RNF212B: variants seen among roughly 807,000 people sequenced by gnomAD.
RNF212B encodes E3 ubiquitin-protein ligase RNF212B.
In RNF212B, 52 loss-of-function variants were observed where a neutral mutation model predicts 55.5. The ratio of observed to expected loss-of-function variants is 0.94; its 90% CI spans 0.75 to 1.18. The LOEUF (loss-of-function observed/expected upper bound fraction) is 1.18, where lower values mean the gene tolerates loss of function less well. Ranked by LOEUF, RNF212B falls within the 50% of genes most tolerant of loss-of-function variation. The pLI, the probability that RNF212B is intolerant of heterozygous loss-of-function variation, is 0.00. For synonymous variants in RNF212B, 99 were observed against 121.4 expected (o/e 0.82, Z 1.21); for missense variants, 289 against 350.4 (o/e 0.82, Z 1.40).
intron 4 of RNF212B, among the ~76,000 whole-genome samples, chr14:23,253,192 G>C (rs1029018893): frequency 2.0e-5 from 3 of 151,884 alleles, no homozygotes; most frequent in Non-Finnish European, 2.9e-5. Flanking sequence ...ACCACATCAT[G>C]CTAAAATAAC....
chr14:23,193,920 C>T (rs755805706), intron 2 of RNF212B, among the ~76,000 whole-genome samples: 11 of 152,138 alleles, frequency 7.2e-5, no homozygotes, highest in Non-Finnish European at 1.6e-4. Context: ...TGGCTCACTG[C>T]AACCTCCGCC....
Position 23,267,070 on chromosome 14 carries a change from G to C in RNF212B, c.635-1854G>C, listed in dbSNP as rs561626860. Reference sequence around the variant, plus strand: ...TGCAGCCTCCACCTTCCAGGCTTAAGCGATAGTCCCACTTCAGCCTCCTGA... The same window carrying C: ...TGCAGCCTCCACCTTCCAGGCTTAACCGATAGTCCCACTTCAGCCTCCTGA... On this transcript the variant is annotated intron_variant, in intron 11 of 14. Coordinates refer to ENST00000430154, the MANE Select transcript of RNF212B (RefSeq NM_001282322.3). Among the ~76,000 whole-genome samples, 128 of 152,238 alleles carry C rather than the reference G, an allele frequency of 8.4e-4. 1 individual carries two copies. The highest frequency in any genetic ancestry group is 3.4e-3 in the Middle Eastern group (1 of 294).
At chr14:23,196,918 T>C (rs538649135) in intron 2 of RNF212B, among the ~76,000 whole-genome samples, 338 of 152,248 alleles carry the variant, frequency 2.2e-3, no homozygotes, top group African/African-American at 7.9e-3. Flanking sequence ...GAGTCCTCAC[T>C]TGTGATAACT....
chr14:23,191,663 C>T (rs1190708996), intron 1 of RNF212B, among the ~76,000 whole-genome samples: 3 of 151,954 alleles, frequency 2.0e-5, no homozygotes, highest in African/African-American at 7.3e-5. Flanking sequence ...GATAGGTTAC[C>T]AGTGAAAAGG....
intron 1 of RNF212B, among the ~76,000 whole-genome samples, chr14:23,238,539 G>A (rs1207657760): frequency 6.6e-6 from 1 of 151,634 alleles, no homozygotes. Flanking sequence ...ACCAGCCTGG[G>A]TAACACAGAG....
intron 11 of RNF212B, among the ~76,000 whole-genome samples, chr14:23,268,609 C>T (rs1029972493): frequency 1.3e-4 from 19 of 150,228 alleles, no homozygotes; most frequent in African/African-American, 4.8e-4. Context: ...GTTGATGTCA[C>T]TCCTAGCTAA....
chr14:23,216,311 A>G (rs1881070171), intron 2 of RNF212B, among the ~76,000 whole-genome samples: 1 of 152,108 alleles, frequency 6.6e-6, no homozygotes, highest in Non-Finnish European at 1.5e-5. Context: ...AAAACATTAT[A>G]AATAAATAAA....
At chr14:23,228,404 C>T (rs1451276481) in intron 2 of RNF212B, among the ~76,000 whole-genome samples, 1 of 145,346 alleles carries the variant, frequency 6.9e-6, no homozygotes, top group Non-Finnish European at 1.5e-5. Flanking sequence ...GCAGGAAAAT[C>T]ACTTGAGGCC....
intron 2 of RNF212B, among the ~76,000 whole-genome samples, chr14:23,232,695 G>C (rs1404990389): frequency 6.6e-6 from 1 of 150,546 alleles, no homozygotes; most frequent in Admixed American, 6.6e-5. Flanking sequence ...GAGGTGGGGG[G>C]TCAGCCCCCG....
chr14:23,237,727 T>A (rs766607550), upstream of RNF212B, among the ~76,000 whole-genome samples: 1 of 152,174 alleles, frequency 6.6e-6, no homozygotes, highest in East Asian at 1.9e-4. Flanking sequence ...TGTTTATTTG[T>A]CCCCAATCTT....
intron 5 of RNF212B, 64 bp downstream of exon 5, chr14:23,258,728 C>G (rs931630771): frequency 2.4e-5 from 16 of 679,068 alleles, no homozygotes; most frequent in Non-Finnish European, 3.4e-5. Flanking sequence ...AAGTGACAGT[C>G]CTTATTGTGT....
At position 23,248,536 on chromosome 14, in the gene RNF212B, G is replaced by A. The variant is rs1349690627; in HGVS notation, c.228+4140G>A. Among the ~76,000 whole-genome samples the A allele has an allele frequency of 2.0e-5, 3 of 149,194 alleles. No homozygotes were observed. In the Admixed American group the frequency reaches 2.0e-4, roughly 10 times the overall value. ...GGCTCACTGCAATCTCCGCCTCCCGGGTTCAAGCAATTATCCTGCCTCCAC... is the reference window on the plus strand; with the variant it reads ...GGCTCACTGCAATCTCCGCCTCCCGAGTTCAAGCAATTATCCTGCCTCCAC... On this transcript the variant is annotated intron_variant, in intron 4 of 14. Transcript: ENST00000430154.
chr14:23,215,436 T>C (rs959022271), intron 2 of RNF212B, among the ~76,000 whole-genome samples: 30 of 152,268 alleles, frequency 2.0e-4, no homozygotes, highest in African/African-American at 6.3e-4. Flanking sequence ...ACCCAGGAAT[T>C]TGAGCTTACA....
rs1883246021 is a variant in RNF212B at position 23,237,981 on chromosome 14, T to A, written c.-76T>A. Among the ~76,000 whole-genome samples, 1 of 152,200 alleles carries A rather than the reference T, an allele frequency of 6.6e-6. No homozygotes were observed. Among genetic ancestry groups the A allele is most frequent in the Non-Finnish European group, 1.5e-5 (1 of 68,014 alleles). ...AAGCCAGCTGTTTACTTTCCCGCCATGTCCAGCTCTTCGTGAGGAGAACTG... is the reference window on the plus strand; with the variant it reads ...AAGCCAGCTGTTTACTTTCCCGCCAAGTCCAGCTCTTCGTGAGGAGAACTG... On this transcript the variant is annotated 5_prime_UTR_variant, in exon 1 of 15. It removes an upstream start codon present in the reference 5' UTR. Transcript: ENST00000430154.
At chr14:23,250,726 T>C (rs1375049286) in intron 4 of RNF212B, among the ~76,000 whole-genome samples, 1 of 152,188 alleles carries the variant, frequency 6.6e-6, no homozygotes, top group Non-Finnish European at 1.5e-5. Flanking sequence ...AGACGACATG[T>C]GCCCAAGGTG....
chr14:23,248,440 CTT>C (rs34288769), intron 4 of RNF212B, among the ~76,000 whole-genome samples: 51 of 112,796 alleles, frequency 4.5e-4, no homozygotes, highest in East Asian at 5.4e-4. Flanking sequence ...CCCCAAGCCT[CTT>C]TTTTTTTTTT....
chr14:23,234,941 C>A (rs531591293), upstream of RNF212B, among the ~76,000 whole-genome samples: 2 of 151,898 alleles, frequency 1.3e-5, no homozygotes, highest in Non-Finnish European at 2.9e-5. Flanking sequence ...GGGCTGGGTA[C>A]GGTGGCTCAT....
intron 2 of RNF212B, among the ~76,000 whole-genome samples, chr14:23,219,435 G>A (rs2056535581): frequency 6.6e-6 from 1 of 150,922 alleles, no homozygotes; most frequent in Admixed American, 6.6e-5. Context: ...TAAAAGCAGA[G>A]GAAAGAAGTT....
chr14:23,220,611 G>C lies in RNF212B; in HGVS notation c.-1-19734G>C, dbSNP rs559233943. The stretch of plus-strand genomic sequence containing the variant: ...GAGGCTGAGGCAGGTGGATCACGAG[G>C]TCAGGAGATCGAGATCACCCTGGCT... On this transcript the variant is annotated intron_variant, in intron 2 of 15. Coordinates refer to the RNF212B transcript ENST00000399910. Among the ~76,000 whole-genome samples the C allele has an allele frequency of 1.5e-4, 23 of 151,852 alleles. No homozygotes were observed. In the East Asian group the frequency reaches 2.5e-3, roughly 17 times the overall value.
Sources: gnomAD v4.1 joint callset for allele counts (sites outside exome capture counted in the v4.1 genomes callset) on GRCh38, gnomAD v4.1.1 for gene constraint, MANE v1.5 for transcripts, NCBI Gene and HGNC (gene_info 2026-07-23, HGNC 2026-07-21) for gene names.